The following XPO7 variants were observed in gnomAD, a reference collection of about 807,000 sequenced individuals.
XPO7 encodes exportin-7.
XPO7 carries 21 observed loss-of-function variants against 144.3 expected under a neutral mutation model. The ratio of observed to expected loss-of-function variants is 0.15; its 90% CI spans 0.10 to 0.21. XPO7 has a LOEUF of 0.21. Among genes scored for constraint, XPO7 ranks in the 10% least tolerant of loss-of-function variants. The pLI is 1.00. For synonymous variants in XPO7, 580 were observed against 499.6 expected (o/e 1.16, Z -2.15); for missense variants, 808 against 1,325.8 (o/e 0.61, Z 6.06).
At chr8:21,987,055 T>A (rs1390737039) in intron 13 of XPO7, 86 bp from the exon 14 acceptor site, 2 of 1,581,330 alleles carry the variant, frequency 1.3e-6, no homozygotes, top group Non-Finnish European at 1.7e-6. Flanking sequence ...AGTACAGGCA[T>A]ATACGACCAT....
At chr8:21,924,669 C>T (rs1251217766) in intron 1 of XPO7, among the ~76,000 whole-genome samples, 1 of 151,948 alleles carries the variant, frequency 6.6e-6, no homozygotes, top group Non-Finnish European at 1.5e-5. Context: ...AAAATTTTAC[C>T]CACAATTTTA....
At chr8:21,979,190 C>A (rs903797286) in intron 8 of XPO7, among the ~76,000 whole-genome samples, 1 of 151,948 alleles carries the variant, frequency 6.6e-6, no homozygotes, top group African/African-American at 2.4e-5. Context: ...GAATTACAGG[C>A]ATGAGCCACC....
At chr8:21,953,092 G>A (rs13439474) in intron 1 of XPO7, among the ~76,000 whole-genome samples, 32,424 of 145,464 alleles carry the variant, frequency 0.22, 5,148 homozygotes, top group African/African-American at 0.46. Flanking sequence ...TGATGGGCCA[G>A]TATTGATACA....
chr8:21,921,928 A>G (rs1056816786), intron 1 of XPO7, among the ~76,000 whole-genome samples: 1 of 152,186 alleles, frequency 6.6e-6, no homozygotes, highest in African/African-American at 2.4e-5. Flanking sequence ...TTAAGGTGGT[A>G]CTTTATTGTG....
chr8:21,993,306 T>C (rs913708535), intron 19 of XPO7, among the ~76,000 whole-genome samples: 2 of 152,220 alleles, frequency 1.3e-5, no homozygotes, highest in African/African-American at 4.8e-5. Context: ...TTCTTTGTCA[T>C]GTCCCATGTA....
At chr8:22,004,123 T>C in intron 27 of XPO7, 93 bp downstream of exon 27, 1 of 1,534,440 alleles carries the variant, frequency 6.5e-7, no homozygotes. Context: ...TTGACATCTG[T>C]GTTTGGAGGC....
chr8:21,982,544 AAAAAAG>A, intron 10 of XPO7, 90 bp from the exon 11 acceptor site: 1 of 1,416,978 alleles, frequency 7.1e-7, no homozygotes, highest in Non-Finnish European at 9.3e-7. Context: ...CTTTTTTTAA[AAAAAAG>A]AAAAAAGTCT....
At chr8:21,967,438 C>G (rs1232107200) in intron 2 of XPO7, among the ~76,000 whole-genome samples, 1 of 152,182 alleles carries the variant, frequency 6.6e-6, no homozygotes, top group African/African-American at 2.4e-5. Context: ...TCAAGTGATT[C>G]TCCTGCCTCA....
chr8:21,974,809 C>G (rs1812175748), intron 6 of XPO7, 35 bp downstream of exon 6: 1 of 1,491,418 alleles, frequency 6.7e-7, no homozygotes, highest in Non-Finnish European at 9.1e-7. Flanking sequence ...TTCCCAGTTT[C>G]TTTTGAAAGA....
At chr8:21,980,874 G>A (rs887427857) in intron 9 of XPO7, among the ~76,000 whole-genome samples, 1 of 152,114 alleles carries the variant, frequency 6.6e-6, no homozygotes, top group African/African-American at 2.4e-5. Flanking sequence ...TTTTAGGTGG[G>A]AAGGAAGATA....
intron 1 of XPO7, among the ~76,000 whole-genome samples, chr8:21,945,073 C>T (rs548857097): frequency 1.3e-5 from 2 of 152,162 alleles, no homozygotes; most frequent in Non-Finnish European, 2.9e-5. Flanking sequence ...CTTTTCTATT[C>T]GACAAAACTG....
chr8:21,937,213 C>A (rs1171328886), intron 1 of XPO7, among the ~76,000 whole-genome samples: 2 of 152,164 alleles, frequency 1.3e-5, no homozygotes, highest in Non-Finnish European at 2.9e-5. Flanking sequence ...AGAGCATACA[C>A]AAATTCATAT....
chr8:21,954,635 A>G (rs1199381142), intron 1 of XPO7, among the ~76,000 whole-genome samples: 1 of 152,176 alleles, frequency 6.6e-6, no homozygotes, highest in Non-Finnish European at 1.5e-5. Flanking sequence ...CTCCATCTCA[A>G]AAAAATAAAT....
chr8:21,957,703 G>A (rs971890981), intron 1 of XPO7, among the ~76,000 whole-genome samples: 1 of 152,150 alleles, frequency 6.6e-6, no homozygotes, highest in Non-Finnish European at 1.5e-5. Flanking sequence ...CTTATCCAAT[G>A]TTAAGACGTT....
intron 1 of XPO7, among the ~76,000 whole-genome samples, chr8:21,936,280 A>G (rs1810819528): frequency 6.6e-6 from 1 of 152,074 alleles, no homozygotes; most frequent in African/African-American, 2.4e-5. Flanking sequence ...TATTCCTTCT[A>G]CCATGGCCTC....
intron 1 of XPO7, among the ~76,000 whole-genome samples, chr8:21,949,450 C>A (rs565944758): frequency 2.0e-5 from 3 of 152,212 alleles, no homozygotes; most frequent in Non-Finnish European, 2.9e-5. Flanking sequence ...ATACTTCTCC[C>A]ATTATTGCCA....
At chr8:21,927,929 A>G (rs1741252163) in intron 1 of XPO7, among the ~76,000 whole-genome samples, 1 of 152,184 alleles carries the variant, frequency 6.6e-6, no homozygotes, top group African/African-American at 2.4e-5. Flanking sequence ...GTTCATAGAG[A>G]TTACTGTTGT....
At chr8:21,967,804 C>T (rs1585450322) in intron 2 of XPO7, among the ~76,000 whole-genome samples, 1 of 152,276 alleles carries the variant, frequency 6.6e-6, no homozygotes, top group Middle Eastern at 3.4e-3. Context: ...GAACCTCCTC[C>T]AGCTTAAAAA....
At position 22,005,143 on chromosome 8, in the gene XPO7, G is replaced by A; in HGVS notation, c.*55G>A. The A allele has an allele frequency of 1.4e-6, 2 of 1,465,204 alleles. No homozygotes were observed. Among genetic ancestry groups the A allele is most frequent in the Non-Finnish European group, 1.9e-6 (2 of 1,070,548 alleles). The allele number at this position is 1,465,204 out of a possible 1,614,324, so 90.8% of individuals were successfully genotyped here. A position where few individuals can be genotyped will look rare whatever the true frequency, so the allele number is the denominator to read the frequency against. On this transcript the variant is annotated 3_prime_UTR_variant, in exon 28 of 28. Coordinates refer to ENST00000252512, the MANE Select transcript of XPO7 (RefSeq NM_015024.5). The stretch of plus-strand genomic sequence containing the variant: ...AGCGTCCCTTTGGTTTGGCCCAGAG[G>A]GGCGAACAATTGCAAGGGAGAGGGC...
Sources: allele counts gnomAD v4.1 joint callset (sites outside exome capture counted in the v4.1 genomes callset), GRCh38; gene constraint gnomAD v4.1.1; transcripts MANE v1.5; gene names NCBI Gene and HGNC (gene_info 2026-07-23, HGNC 2026-07-21).